Variants in USP15 observed in about 807,000 individuals in gnomAD.
USP15 encodes ubiquitin carboxyl-terminal hydrolase 15.
USP15 carries 18 observed loss-of-function variants against 127.1 expected under a neutral mutation model. That is an observed-to-expected ratio of 0.14 (90% confidence interval 0.10 to 0.21). The LOEUF is 0.21. Ranked by LOEUF, USP15 falls within the 10% of genes least tolerant of loss-of-function variation. USP15 has a pLI of 1.00. For missense variants in USP15, 805 were observed against 1,159.9 expected (o/e 0.69, Z 4.44); for synonymous variants, 364 against 393.7 (o/e 0.92, Z 0.89).
intron 6 of USP15, 40 bp downstream of exon 6, chr12:62,325,973 G>C (rs1428646438): frequency 6.4e-7 from 1 of 1,552,502 alleles, no homozygotes; most frequent in East Asian, 2.3e-5. Flanking sequence ...GTATGATTTT[G>C]AAGCCCTTGA....
intron 3 of USP15, among the ~76,000 whole-genome samples, chr12:62,308,508 C>T (rs962940020): frequency 1.3e-5 from 2 of 152,068 alleles, no homozygotes; most frequent in African/African-American, 2.4e-5. Flanking sequence ...CTCATCCCCT[C>T]CCCTCGGATC....
intron 1 of USP15, among the ~76,000 whole-genome samples, chr12:62,293,350 G>A (rs1271759844): frequency 6.6e-6 from 1 of 151,954 alleles, no homozygotes; most frequent in East Asian, 1.9e-4. Context: ...CTGTGATTAT[G>A]TGTTTGTAAT....
At chr12:62,388,117 A>ATTTTTTTTTTTTTTTTTT (rs58192089) in intron 11 of USP15, among the ~76,000 whole-genome samples, 5 of 106,586 alleles carry the variant, frequency 4.7e-5, no homozygotes, top group Non-Finnish European at 3.6e-5. Flanking sequence ...AATGGTGAAG[A>ATTTTTTTTTTTTTTTTTT]TTTTTTTTTT....
intron 3 of USP15, among the ~76,000 whole-genome samples, chr12:62,308,839 A>G (rs2064565002): frequency 6.6e-6 from 1 of 152,140 alleles, no homozygotes. Context: ...CAAAGAGATA[A>G]CCTGATTATC....
intron 8 of USP15, among the ~76,000 whole-genome samples, chr12:62,360,682 C>T (rs2066287615): frequency 6.6e-6 from 1 of 151,834 alleles, no homozygotes; most frequent in South Asian, 2.1e-4. Flanking sequence ...TACTTTTCAT[C>T]GTAAAAGGAA....
At chr12:62,332,433 T>C (rs2065332317) in intron 6 of USP15, among the ~76,000 whole-genome samples, 1 of 152,050 alleles carries the variant, frequency 6.6e-6, no homozygotes, top group African/African-American at 2.4e-5. Flanking sequence ...GATGTTAGCA[T>C]TGGGTGGATA....
At position 62,391,258 on chromosome 12, in the gene USP15, AATG is replaced by A; in HGVS notation, c.2065_2067del (p.Asp689del). ...GTCTGAAGATTCAGTTGGAGGAGAT[AATG>A]ATTCTGAAAATGGATTATGTACTGA... On this transcript the variant is annotated inframe_deletion, in exon 16 of 22. Coordinates refer to ENST00000280377, the MANE Select transcript of USP15 (RefSeq NM_001252078.2). The A allele has an allele frequency of 2.5e-6, 4 of 1,613,680 alleles. No homozygotes were observed. Among genetic ancestry groups the A allele is most frequent in the Non-Finnish European group, 3.4e-6 (4 of 1,179,744 alleles).
chr12:62,315,941 C>A (rs1018258712), intron 4 of USP15, among the ~76,000 whole-genome samples: 1 of 152,050 alleles, frequency 6.6e-6, no homozygotes, highest in South Asian at 2.1e-4. Context: ...TCTTTATTCT[C>A]CCCTCTTCAT....
intron 4 of USP15, chr12:62,315,160 T>A: frequency 3.9e-6 from 1 of 258,712 alleles, no homozygotes; most frequent in Non-Finnish European, 7.1e-6. Flanking sequence ...ATAATTATTG[T>A]TTTTATTTAG....
chr12:62,307,778 A>G (rs1274248490), intron 3 of USP15, among the ~76,000 whole-genome samples: 4 of 152,074 alleles, frequency 2.6e-5, no homozygotes, highest in Admixed American at 6.6e-5. Context: ...TTATCAATCT[A>G]CTGTCACAGT....
chr12:62,288,344 C>CTTTTT (rs34110065), intron 1 of USP15, among the ~76,000 whole-genome samples: 42 of 114,396 alleles, frequency 3.7e-4, no homozygotes, highest in African/African-American at 5.1e-4. Context: ...TGGCATTTTA[C>CTTTTT]TTTTTTTTTT....
intron 1 of USP15, among the ~76,000 whole-genome samples, chr12:62,282,993 A>G (rs1049062969): frequency 2.6e-5 from 4 of 152,182 alleles, no homozygotes; most frequent in African/African-American, 7.2e-5. Flanking sequence ...TCTATTTTTA[A>G]TGGATATGGC....
chr12:62,283,571 A>G (rs1039416937), intron 1 of USP15, among the ~76,000 whole-genome samples: 1 of 152,220 alleles, frequency 6.6e-6, no homozygotes, highest in South Asian at 2.1e-4. Flanking sequence ...GAGTTTTTAC[A>G]TAGAAAAATC....
chr12:62,349,143 C>A, intron 6 of USP15, 78 bp from the exon 7 acceptor site: 1 of 849,386 alleles, frequency 1.2e-6, no homozygotes. Context: ...CAAACATTGT[C>A]ATCTGTTCTT....
At chr12:62,358,410 A>G (rs1182608334) in intron 8 of USP15, among the ~76,000 whole-genome samples, 2 of 152,132 alleles carry the variant, frequency 1.3e-5, no homozygotes. Context: ...ATAGCACAGT[A>G]AAAAATAACA....
At chr12:62,271,977 T>C (rs1249655481) in intron 1 of USP15, among the ~76,000 whole-genome samples, 1 of 151,788 alleles carries the variant, frequency 6.6e-6, no homozygotes, top group African/African-American at 2.4e-5. Flanking sequence ...ATTGGTTTAT[T>C]TGAGTGAATT....
At chr12:62,307,876 A>G (rs978796697) in intron 3 of USP15, among the ~76,000 whole-genome samples, 6 of 152,130 alleles carry the variant, frequency 3.9e-5, no homozygotes, top group Admixed American at 1.3e-4. Context: ...ACATTTAATC[A>G]TCTCATATCA....
chr12:62,395,839 T>C (rs1042136558), intron 19 of USP15, among the ~76,000 whole-genome samples: 3 of 152,034 alleles, frequency 2.0e-5, no homozygotes, highest in Admixed American at 6.5e-5. Flanking sequence ...TTCCTTTTTA[T>C]AGCTGAATAG....
intron 19 of USP15, among the ~76,000 whole-genome samples, chr12:62,394,722 G>A (rs1191504643): frequency 2.0e-5 from 3 of 151,908 alleles, no homozygotes; most frequent in South Asian, 2.1e-4. Flanking sequence ...GGTTGTGCGC[G>A]CCTGTAGTCC....
Sources: gnomAD v4.1 joint callset for allele counts (sites outside exome capture counted in the v4.1 genomes callset) on GRCh38, gnomAD v4.1.1 for gene constraint, MANE v1.5 for transcripts, NCBI Gene and HGNC (gene_info 2026-07-23, HGNC 2026-07-21) for gene names.